HACD2: variants seen among roughly 807,000 people sequenced by gnomAD.
HACD2 encodes 3-hydroxyacyl-CoA dehydratase 2, also known as very-long-chain (3R)-3-hydroxyacyl-CoA dehydratase 2.
Under a neutral mutation model 31.0 loss-of-function variants are expected in HACD2, and 15 were observed. That is an observed-to-expected ratio of 0.48 (90% CI 0.32 to 0.75). HACD2 has a LOEUF of 0.75. HACD2 is among the 30% of genes least tolerant of loss of function. The pLI is 0.03. For missense variants in HACD2, 283 were observed against 313.0 expected (o/e 0.90, Z 0.72); for synonymous variants, 115 against 122.2 (o/e 0.94, Z 0.39).
Position 123,516,858 on chromosome 3 carries a change from T to C in HACD2, c.381+11528A>G, listed in dbSNP as rs147031975. ...TTTTCTGGAAAACATGAAGAAAGGA[T>C]GGTCGGTACCTCAACTAGCCTAGCT... On this transcript the variant is annotated intron_variant, in intron 4 of 6. Coordinates refer to ENST00000383657, the MANE Select transcript of HACD2 (RefSeq NM_198402.5). 3.8e-3 allele frequency among the ~76,000 whole-genome samples: 573 copies of C among 152,290 alleles called. 3 individuals are homozygous for C. The highest frequency in any genetic ancestry group is 0.013 in the African/African-American group (542 of 41,536).
At chr3:123,540,549 T>C (rs1340380360) in intron 3 of HACD2, among the ~76,000 whole-genome samples, 2 of 152,212 alleles carry the variant, frequency 1.3e-5, no homozygotes, top group Non-Finnish European at 2.9e-5. Flanking sequence ...ATAATAGATG[T>C]CATTCTCTGA....
intron 3 of HACD2, among the ~76,000 whole-genome samples, chr3:123,550,915 G>A (rs111263885): frequency 2.6e-5 from 4 of 152,180 alleles, no homozygotes; most frequent in African/African-American, 7.2e-5. Context: ...CAGGGAGAAA[G>A]AAGAACCCAT....
Position 123,560,652 on chromosome 3 carries a change from G to A in HACD2, c.292+7110C>T, listed in dbSNP as rs1576228270. Among the ~76,000 whole-genome samples the A allele has an allele frequency of 2.0e-5, 3 of 152,328 alleles. No individual in the cohort carries two copies. The South Asian group carries it at 6.2e-4, about 32-fold the overall frequency. ...GGTCCCGGTAAGAACAAGGCTTAAAGAGAGCCAGTAGAAGCTGCGCCAGCC... is the reference window on the plus strand; with the variant it reads ...GGTCCCGGTAAGAACAAGGCTTAAAAAGAGCCAGTAGAAGCTGCGCCAGCC... On this transcript the variant is annotated intron_variant, in intron 3 of 6. Transcript: ENST00000383657.
At position 123,579,093 on chromosome 3, in the gene HACD2, T is replaced by C. The variant is rs143989254; in HGVS notation, c.273+3119A>G. Among the ~76,000 whole-genome samples the C allele has an allele frequency of 2.8e-3, 433 of 152,294 alleles. 3 individuals are homozygous for C. Among genetic ancestry groups the C allele is most frequent in the African/African-American group, 9.9e-3 (411 of 41,558 alleles). On this transcript the variant is annotated intron_variant, in intron 2 of 6. Transcript: ENST00000383657. The stretch of plus-strand genomic sequence containing the variant: ...AATCCAGGATTTGTCACTTAATTGG[T>C]TCTTAGTGGGGATAACAGAGATAAA...
chr3:123,557,190 C>T (rs1300934280), intron 3 of HACD2, among the ~76,000 whole-genome samples: 4 of 152,224 alleles, frequency 2.6e-5, no homozygotes, highest in Non-Finnish European at 5.9e-5. Context: ...GTGTTAGATT[C>T]TCATAGGAGC....
Position 123,567,785 on chromosome 3 carries a change from A to G in HACD2, c.274-5T>C. The stretch of plus-strand genomic sequence containing the variant: ...ACCTATAGCACAATGTAAAATCTAG[A>G]GGAAAAAAGGGGAAAAAAGAGGAGA... On this transcript the variant is annotated splice_polypyrimidine_tract_variant and splice_region_variant and intron_variant, in intron 2 of 6. Coordinates refer to ENST00000383657, the MANE Select transcript of HACD2 (RefSeq NM_198402.5). 6.7e-7 allele frequency: 1 copy of G among 1,498,686 alleles called. No individual in the cohort carries two copies. The allele number at this position is 1,498,686 out of a possible 1,614,324, so 92.8% of individuals were successfully genotyped here. A position where few individuals can be genotyped will look rare whatever the true frequency, so the allele number is the denominator to read the frequency against.
At chr3:123,528,512 T>C (rs2056312513) in intron 3 of HACD2, 38 bp from the exon 4 acceptor site, 2 of 1,183,274 alleles carry the variant, frequency 1.7e-6, no homozygotes, top group Admixed American at 1.7e-5. Flanking sequence ...AAATGTACTG[T>C]ACTAAGTTTC....
intron 1 of HACD2, among the ~76,000 whole-genome samples, chr3:123,582,596 G>A (rs2056977527): frequency 6.6e-6 from 1 of 152,116 alleles, no homozygotes; most frequent in Non-Finnish European, 1.5e-5. Context: ...TTGCTATTGA[G>A]ATCAAGGCCA....
chr3:123,530,362 T>C (rs1459181189), intron 3 of HACD2, among the ~76,000 whole-genome samples: 1 of 151,412 alleles, frequency 6.6e-6, no homozygotes, highest in Non-Finnish European at 1.5e-5. Context: ...GGCCATCCTC[T>C]CGCCTCAGCG....
rs1165533806 is a variant in HACD2, at chr3:123,500,645, C to T, written c.552G>A (p.Leu184=). ...AGGGCAGAGCTGCATATATTGTGAG[C>T]AGTTCTCCTGACACTCCCATTGGGT... The part of the protein sequence containing the change: ...VLYPMGVSGE[L]LTIYAALPFV... The change falls in exon 6 of 7, where the codon CTG becomes CTA. Residue 184 remains leucine (L), a synonymous_variant. Coordinates refer to ENST00000383657, the MANE Select transcript of HACD2 (RefSeq NM_198402.5). The T allele has an allele frequency of 6.2e-7, 1 of 1,613,304 alleles. No individual in the cohort carries two copies. Among genetic ancestry groups the T allele is most frequent in the African/African-American group, 1.3e-5 (1 of 74,892 alleles).
At chr3:123,558,299 C>T (rs2056693211) in intron 3 of HACD2, among the ~76,000 whole-genome samples, 1 of 152,140 alleles carries the variant, frequency 6.6e-6, no homozygotes, top group African/African-American at 2.4e-5. Flanking sequence ...AGACAAGCCC[C>T]AGAGTGGGAG....
intron 1 of HACD2, 116 bp downstream of exon 1, chr3:123,584,757 C>A (rs965545448): frequency 4.9e-6 from 4 of 824,134 alleles, no homozygotes; most frequent in African/African-American, 1.8e-5. Context: ...CGGGCACCCC[C>A]CGCCGGGAAT....
intron 3 of HACD2, among the ~76,000 whole-genome samples, chr3:123,553,994 T>C (rs1425058051): frequency 2.1e-5 from 2 of 94,952 alleles, no homozygotes; most frequent in East Asian, 6.1e-4. Context: ...TATTCTTCCC[T>C]TGACTTTTTT....
At chr3:123,520,501 C>T (rs1559908133) in intron 4 of HACD2, among the ~76,000 whole-genome samples, 1 of 152,192 alleles carries the variant, frequency 6.6e-6, no homozygotes, top group African/African-American at 2.4e-5. Flanking sequence ...CAAGTGTTCA[C>T]ATATGGCTAA....
At chr3:123,584,849 C>T (rs2057010676) in intron 1 of HACD2, 24 bp downstream of exon 1, 2 of 1,475,416 alleles carry the variant, frequency 1.4e-6, no homozygotes, top group Non-Finnish European at 1.8e-6. Context: ...GCTGGCTCCC[C>T]GCCTCCCCGA....
intron 2 of HACD2, among the ~76,000 whole-genome samples, chr3:123,570,592 T>G (rs2056843371): frequency 6.6e-6 from 1 of 152,222 alleles, no homozygotes; most frequent in African/African-American, 2.4e-5. Flanking sequence ...CAGCTAGGTC[T>G]TATTTATTTA....
intron 4 of HACD2, among the ~76,000 whole-genome samples, chr3:123,520,117 C>T (rs144489582): frequency 1.1e-3 from 172 of 152,292 alleles, no homozygotes; most frequent in African/African-American, 3.9e-3. Context: ...TCCTGACTCA[C>T]CATCTAACCA....
chr3:123,501,159 T>C (rs1291344855), intron 5 of HACD2, among the ~76,000 whole-genome samples: 1 of 150,702 alleles, frequency 6.6e-6, no homozygotes, highest in Non-Finnish European at 1.5e-5. Context: ...CATAAGCATC[T>C]GTATACTGCT....
chr3:123,496,204 TG>T (rs1398679664), intron 6 of HACD2, among the ~76,000 whole-genome samples: 3 of 152,292 alleles, frequency 2.0e-5, no homozygotes, highest in African/African-American at 7.2e-5. Flanking sequence ...TTGAATTTTT[TG>T]TAGAGATGAG....
Sources: gnomAD v4.1 joint callset for allele counts (sites outside exome capture counted in the v4.1 genomes callset) on GRCh38, gnomAD v4.1.1 for gene constraint, MANE v1.5 for transcripts, NCBI Gene and HGNC (gene_info 2026-07-23, HGNC 2026-07-21) for gene names.